The following PCLO variants were observed in gnomAD, a reference collection of about 807,000 sequenced individuals.
PCLO encodes the protein protein piccolo.
Under a neutral mutation model 427.5 loss-of-function variants are expected in PCLO, and 82 were observed. That is an observed-to-expected ratio of 0.19 (90% confidence interval 0.16 to 0.23). The LOEUF (loss-of-function observed/expected upper bound fraction) is 0.23, where lower values mean the gene tolerates loss of function less well. PCLO is among the 10% of genes least tolerant of loss of function. PCLO has a pLI of 1.00. For synonymous variants in PCLO, 2,357 were observed against 2,155.4 expected (o/e 1.09, Z -2.59); for missense variants, 6,239 against 6,115.9 (o/e 1.02, Z -0.67).
At chr7:82,946,242 T>A (rs2057889) in intron 6 of PCLO, among the ~76,000 whole-genome samples, 93,388 of 151,984 alleles carry the variant, frequency 0.61, 30,115 homozygotes, top group East Asian at 0.8. Flanking sequence ...TATAAATCTT[T>A]TCCCATTCCT....
intron 22 of PCLO, among the ~76,000 whole-genome samples, chr7:82,786,097 T>G (rs1157303935): frequency 6.6e-6 from 1 of 152,166 alleles, no homozygotes; most frequent in African/African-American, 2.4e-5. Flanking sequence ...GGCATTTCTT[T>G]TGGTGAAATG....
chr7:82,903,731 T>G (rs2116202319), intron 8 of PCLO, among the ~76,000 whole-genome samples: 1 of 152,052 alleles, frequency 6.6e-6, no homozygotes, highest in East Asian at 1.9e-4. Flanking sequence ...ACAACCAAAA[T>G]AAAGTTTAAT....
At position 82,915,545 on chromosome 7, in the gene PCLO, A is replaced by T. The variant is rs780606978; in HGVS notation, c.12441T>A (p.His4147Gln). Residue 4147 changes from histidine (H) to glutamine (Q), a missense_variant, in exon 7 of 25, where the codon CAT becomes CAA. Around this residue, in one of 5 missense-constraint regions of PCLO, gnomAD observed 680 missense variants for 677.3 expected, o/e 1.00. Transcript: ENST00000333891. ...ESLDHLAGLSHYYHADTSYRH... is the reference protein window; with the variant it reads ...ESLDHLAGLSQYYHADTSYRH... ...TGTAGCTAGTATCAGCATGGTAATA[A>T]TGAGAAAGACCAGCAAGGTGATCTA... is the stretch of plus-strand genomic sequence containing the variant. The T allele has an allele frequency of 6.2e-6, 10 of 1,613,614 alleles. 1 individual carries two copies. In the South Asian group the frequency reaches 9.9e-5, roughly 16 times the overall value.
At chr7:83,007,253 C>T (rs982028395) in intron 3 of PCLO, among the ~76,000 whole-genome samples, 2 of 151,478 alleles carry the variant, frequency 1.3e-5, no homozygotes, top group African/African-American at 2.4e-5. Flanking sequence ...AGAAACACAA[C>T]TTCACAGGTA....
At chr7:82,939,371 A>C (rs1358203766) in intron 6 of PCLO, among the ~76,000 whole-genome samples, 1 of 152,006 alleles carries the variant, frequency 6.6e-6, no homozygotes, top group Non-Finnish European at 1.5e-5. Flanking sequence ...CCTTCACTAA[A>C]TTATGTTGAG....
At chr7:82,822,779 AT>A in intron 19 of PCLO, 90 bp from the exon 20 acceptor site, 1 of 1,004,674 alleles carries the variant, frequency 1.0e-6, no homozygotes, top group Non-Finnish European at 1.5e-6. Context: ...ACTGCCTAAA[AT>A]TTATGTTAAT....
chr7:83,019,669 AATGTC>A (rs1788294443), intron 3 of PCLO, among the ~76,000 whole-genome samples: 1 of 152,088 alleles, frequency 6.6e-6, no homozygotes, highest in Admixed American at 6.6e-5. Flanking sequence ...TAGGAGAACC[AATGTC>A]TCATTTTTAT....
chr7:82,882,582 A>C (rs1321543508), intron 9 of PCLO, among the ~76,000 whole-genome samples: 3 of 152,192 alleles, frequency 2.0e-5, no homozygotes, highest in African/African-American at 7.2e-5. Flanking sequence ...ACAATACATA[A>C]GCATATCTGT....
chr7:82,817,852 T>C (rs1180772333), intron 20 of PCLO, among the ~76,000 whole-genome samples: 2 of 152,170 alleles, frequency 1.3e-5, no homozygotes, highest in Non-Finnish European at 2.9e-5. Flanking sequence ...TTTCTCCTCA[T>C]CCTGTATTGC....
chr7:82,800,620 G>A (rs868349903), intron 22 of PCLO, among the ~76,000 whole-genome samples: 15 of 152,096 alleles, frequency 9.9e-5, no homozygotes, highest in African/African-American at 3.1e-4. Flanking sequence ...TTTTGAGATG[G>A]AGTCTCCCTC....
intron 22 of PCLO, among the ~76,000 whole-genome samples, chr7:82,771,308 A>C (rs1583956512): frequency 6.6e-6 from 1 of 152,114 alleles, no homozygotes; most frequent in Middle Eastern, 3.4e-3. Flanking sequence ...AAAGAGTTAT[A>C]AAGAGAATTC....
chr7:83,086,851 A>G (rs1790247221), intron 3 of PCLO, among the ~76,000 whole-genome samples: 2 of 152,114 alleles, frequency 1.3e-5, no homozygotes, highest in Admixed American at 1.3e-4. Context: ...AATAAAAAGT[A>G]TGTGCATTTA....
intron 3 of PCLO, among the ~76,000 whole-genome samples, chr7:83,115,970 GCA>G (rs139425794): frequency 2.5e-4 from 38 of 149,706 alleles, no homozygotes; most frequent in Admixed American, 4.7e-4. Context: ...ACTCTCACAT[GCA>G]CACACACACA....
At chr7:82,827,814 G>T in intron 17 of PCLO, 59 bp downstream of exon 17, 1 of 933,926 alleles carries the variant, frequency 1.1e-6, no homozygotes, top group South Asian at 1.5e-5. Context: ...TTGAATAATT[G>T]TGTTATCACT....
chr7:83,151,208 A>G (rs1792120355), intron 2 of PCLO, among the ~76,000 whole-genome samples: 1 of 152,208 alleles, frequency 6.6e-6, no homozygotes, highest in Admixed American at 6.5e-5. Flanking sequence ...AGGAAAAAAA[A>G]TCAATGAAAG....
At position 82,956,065 on chromosome 7, in the gene PCLO, G is replaced by T; in HGVS notation, c.4888C>A (p.His1630Asn). ...DEDAGRRHSWHDEDDEAFDES... is the reference protein window; with the variant it reads ...DEDAGRRHSWNDEDDEAFDES... ...TCAAATGCTTCATCGTCTTCATCAT[G>T]CCATGAGTGACGTCTTCCTGCATCT... The change falls in exon 5 of 25, where the codon CAT becomes AAT. Residue 1630 changes from histidine (H) to asparagine (N), a missense_variant. Physicochemically the swap from His to Asn is moderately conservative, Grantham distance 68. Coordinates refer to ENST00000333891, the MANE Select transcript of PCLO (RefSeq NM_033026.6). 6.2e-7 allele frequency: 1 copy of T among 1,612,392 alleles called. No individual in the cohort carries two copies.
chr7:82,916,406 G>C lies in PCLO; in HGVS notation c.11580C>G (p.Pro3860=), dbSNP rs1301812185. ...QHGIERPRTA[P]QTEFSQFIPP... ...GTATAAACTGGCTGAATTCAGTTTG[G>C]GGAGCAGTTCTTGGTCGCTCAATGC... Residue 3860 remains proline (P), a synonymous_variant, in exon 7 of 25, where the codon CCC becomes CCG. Coordinates refer to ENST00000333891, the MANE Select transcript of PCLO (RefSeq NM_033026.6). 6.2e-7 allele frequency: 1 copy of C among 1,613,536 alleles called. No homozygotes were observed. The highest frequency in any genetic ancestry group is 2.2e-5 in the East Asian group (1 of 44,860).
At position 82,847,195 on chromosome 7, in the gene PCLO, T is replaced by C; in HGVS notation, c.13707A>G (p.Glu4569=). 6.2e-7 allele frequency: 1 copy of C among 1,606,028 alleles called. No individual in the cohort carries two copies. The highest frequency in any genetic ancestry group is 8.5e-7 in the Non-Finnish European group (1 of 1,176,052). Residue 4569 remains glutamate, a synonymous_variant, in exon 11 of 25, where the codon GAA becomes GAG. Coordinates refer to ENST00000333891, the MANE Select transcript of PCLO (RefSeq NM_033026.6). ...GCTGACTAATGATACTCTGAACTTCTTCATATGTTTTAGAAGTCAAGGGAA... is the reference window on the plus strand; with the variant it reads ...GCTGACTAATGATACTCTGAACTTCCTCATATGTTTTAGAAGTCAAGGGAA... The part of the protein sequence containing the change: ...NGIPLTSKTY[E]EVQSIISQQS...
rs1791690313 is a variant in PCLO, at chr7:83,135,178, G to A, written c.2372C>T (p.Thr791Ile). The change falls in exon 3 of 25, where the codon ACA becomes ATA. Residue 791 changes from threonine (T) to isoleucine (I), a missense_variant. Transcript: ENST00000333891. Reference protein sequence around the residue: ...SKVQSQAEEKTTPPLKTDSAK... With the variant: ...SKVQSQAEEKITPPLKTDSAK... ...AGAGTCTGTTTTTAGAGGAGGGGTT[G>A]TTTTCTCTTCAGCTTGTGACTGTAC... The A allele has an allele frequency of 6.2e-7, 1 of 1,613,776 alleles. No individual in the cohort carries two copies. Among genetic ancestry groups the A allele is most frequent in the South Asian group, 1.1e-5 (1 of 91,080 alleles).
Sources: gnomAD v4.1 joint callset for allele counts (sites outside exome capture counted in the v4.1 genomes callset) on GRCh38, gnomAD v4.1.1 for gene constraint, gnomAD v4.1.1 regional missense constraint, MANE v1.5 for transcripts, NCBI Gene and HGNC (gene_info 2026-07-23, HGNC 2026-07-21) for gene names.